SLC25A17: variants seen among roughly 807,000 people sequenced by gnomAD.
SLC25A17 encodes solute carrier family 25 member 17.
In SLC25A17, 26 loss-of-function variants were observed where a neutral mutation model predicts 38.5. The ratio of observed to expected loss-of-function variants is 0.68; its 90% CI spans 0.50 to 0.94. The LOEUF (loss-of-function observed/expected upper bound fraction) is 0.94. SLC25A17 is among the 40% of genes least tolerant of loss of function. The pLI, the probability that SLC25A17 is intolerant of heterozygous loss-of-function variation, is 0.00. For synonymous variants in SLC25A17, 139 were observed against 136.2 expected (o/e 1.02, Z -0.14); for missense variants, 333 against 372.7 (o/e 0.89, Z 0.88).
chr22:40,812,283 A>C (rs2057590296), intron 1 of SLC25A17, among the ~76,000 whole-genome samples: 1 of 152,156 alleles, frequency 6.6e-6, no homozygotes, highest in African/African-American at 2.4e-5. Flanking sequence ...TCTGGGCTAT[A>C]TCTCTCCTGT....
intron 5 of SLC25A17, among the ~76,000 whole-genome samples, chr22:40,778,025 AAAGAT>A (rs2057262161): frequency 6.6e-6 from 1 of 152,174 alleles, no homozygotes; most frequent in South Asian, 2.1e-4. Context: ...CAGCACAAGA[AAAGAT>A]AAGATCGTTT....
intron 1 of SLC25A17, among the ~76,000 whole-genome samples, chr22:40,802,883 ATTTAT>A (rs1400513640): frequency 1.3e-5 from 2 of 152,206 alleles, no homozygotes; most frequent in Non-Finnish European, 2.9e-5. Context: ...AAATTTATTT[ATTTAT>A]AAGTGCCATG....
intron 1 of SLC25A17, among the ~76,000 whole-genome samples, chr22:40,800,477 T>C (rs1052257504): frequency 6.6e-6 from 1 of 152,190 alleles, no homozygotes; most frequent in African/African-American, 2.4e-5. Flanking sequence ...TAGTTCACTG[T>C]AACCTTGAAC....
At chr22:40,797,347 A>C (rs1442533311) in intron 2 of SLC25A17, 1 of 1,294,752 alleles carries the variant, frequency 7.7e-7, no homozygotes, top group Non-Finnish European at 1.0e-6. Flanking sequence ...CTGAGGAAAA[A>C]ACAAGCAAGA....
chr22:40,785,194 G>A (rs991794147), intron 4 of SLC25A17, among the ~76,000 whole-genome samples: 1 of 152,332 alleles, frequency 6.6e-6, no homozygotes, highest in Admixed American at 6.5e-5. Flanking sequence ...GATCAGCCTG[G>A]CCAACAGAGT....
rs1363016400 is a variant in SLC25A17 at position 40,777,273 on chromosome 22, CATGAACTGG to C, written c.543_551del (p.Ile181_Phe183del). ...GCTGCCGTTTTAAACCTTCATAAAACATGAACTGGATGGCAGGATTGAAGACCAACAGCA... is the reference window on the plus strand; with the variant it reads ...GCTGCCGTTTTAAACCTTCATAAAACATGGCAGGATTGAAGACCAACAGCA... On this transcript the variant is annotated inframe_deletion, in exon 6 of 9. Coordinates refer to ENST00000435456, the MANE Select transcript of SLC25A17 (RefSeq NM_006358.4). 1 of 1,614,092 alleles carries C rather than the reference CATGAACTGG, an allele frequency of 6.2e-7. No homozygotes were observed. The highest frequency in any genetic ancestry group is 8.5e-7 in the Non-Finnish European group (1 of 1,180,036).
rs1259310966 is a variant in SLC25A17, at chr22:40,773,958, T to C, written c.755A>G (p.Tyr252Cys). Residue 252 changes from tyrosine to cysteine, a missense_variant, in exon 8 of 9, where the codon TAT becomes TGT. Coordinates refer to ENST00000435456, the MANE Select transcript of SLC25A17 (RefSeq NM_006358.4). Reference sequence around the variant, plus strand: ...TCACCTTACTCGTTGGTGAAGAAGATAGAGAATATTCCGAAGACTTCCCAA... The same window carrying C: ...TCACCTTACTCGTTGGTGAAGAAGACAGAGAATATTCCGAAGACTTCCCAA... The part of the protein sequence containing the change: ...RTLGSLRNIL[Y>C]LLHQRVRRFG... 6 of 1,611,172 alleles carry C rather than the reference T, an allele frequency of 3.7e-6. No homozygotes were observed. The highest frequency in any genetic ancestry group is 3.3e-5 in the South Asian group (3 of 91,012).
chr22:40,773,056 T>C (rs894479189), intron 8 of SLC25A17, among the ~76,000 whole-genome samples: 3 of 152,206 alleles, frequency 2.0e-5, no homozygotes, highest in African/African-American at 4.8e-5. Context: ...CTTCACTAAG[T>C]GTCAGTTTCT....
intron 7 of SLC25A17, among the ~76,000 whole-genome samples, chr22:40,775,102 C>G (rs1475418659): frequency 6.6e-6 from 1 of 152,160 alleles, no homozygotes; most frequent in Non-Finnish European, 1.5e-5. Flanking sequence ...TAAATCACAG[C>G]ACATATTCCC....
chr22:40,786,825 A>C (rs1602599680), intron 4 of SLC25A17, among the ~76,000 whole-genome samples: 1 of 152,306 alleles, frequency 6.6e-6, no homozygotes, highest in East Asian at 1.9e-4. Context: ...TTTTTGGTGG[A>C]GCAACTGGAA....
chr22:40,790,881 C>A (rs1047337993), intron 4 of SLC25A17, among the ~76,000 whole-genome samples: 5 of 152,236 alleles, frequency 3.3e-5, no homozygotes, highest in African/African-American at 9.6e-5. Context: ...TAGAAGATCC[C>A]ACTAGATTGC....
intron 8 of SLC25A17, among the ~76,000 whole-genome samples, chr22:40,772,290 A>G (rs995378842): frequency 6.6e-6 from 1 of 152,090 alleles, no homozygotes; most frequent in Admixed American, 6.6e-5. Flanking sequence ...TACTTTATAC[A>G]TATTCTTTGT....
rs549868545 is a variant in SLC25A17, at chr22:40,777,097, G to A, written c.636C>T (p.Ala212=). ...AGGTCACCGTGGTGGCAATCGCTTT[G>A]GCTACTGCACCAATGATGAACACAT... ...SLDVFIIGAV[A]KAIATTVTYP... Residue 212 remains alanine, a synonymous_variant, in exon 7 of 9, where the codon GCC becomes GCT. Coordinates refer to ENST00000435456, the MANE Select transcript of SLC25A17 (RefSeq NM_006358.4). The A allele has an allele frequency of 5.0e-6, 8 of 1,614,054 alleles. No individual in the cohort carries two copies. The African/African-American group carries it at 1.1e-4, about 22-fold the overall frequency.
At chr22:40,772,679 C>T (rs1040250251) in intron 8 of SLC25A17, among the ~76,000 whole-genome samples, 3 of 151,756 alleles carry the variant, frequency 2.0e-5, no homozygotes, top group African/African-American at 7.3e-5. Flanking sequence ...CTCTTTAGCC[C>T]AGGCTGGAGT....
At chr22:40,780,707 A>G (rs2057285860) in intron 4 of SLC25A17, among the ~76,000 whole-genome samples, 1 of 152,346 alleles carries the variant, frequency 6.6e-6, no homozygotes, top group Non-Finnish European at 1.5e-5. Flanking sequence ...ACAAGCTTCC[A>G]CAGATACCGT....
intron 5 of SLC25A17, 93 bp from the exon 6 acceptor site, chr22:40,777,466 C>T: frequency 1.5e-6 from 2 of 1,350,840 alleles, no homozygotes; most frequent in Middle Eastern, 2.4e-4. Context: ...ACCCAGAACA[C>T]AAACCATACT....
intron 4 of SLC25A17, among the ~76,000 whole-genome samples, chr22:40,780,730 T>C (rs1190338005): frequency 6.6e-6 from 1 of 152,228 alleles, no homozygotes; most frequent in South Asian, 2.1e-4. Flanking sequence ...AAAGGTATAG[T>C]GCACCCACCT....
intron 1 of SLC25A17, among the ~76,000 whole-genome samples, chr22:40,812,649 C>G (rs1022690521): frequency 1.3e-5 from 2 of 152,168 alleles, no homozygotes; most frequent in Non-Finnish European, 2.9e-5. Flanking sequence ...GGCTGAGTCA[C>G]AGCAGCACCA....
chr22:40,778,024 A>G (rs961721744), intron 5 of SLC25A17, among the ~76,000 whole-genome samples: 3 of 152,166 alleles, frequency 2.0e-5, no homozygotes, highest in African/African-American at 7.2e-5. Context: ...CCAGCACAAG[A>G]AAAGATAAGA....
Sources: allele counts gnomAD v4.1 joint callset (sites outside exome capture counted in the v4.1 genomes callset), GRCh38; gene constraint gnomAD v4.1.1; transcripts MANE v1.5; gene names NCBI Gene and HGNC (gene_info 2026-07-23, HGNC 2026-07-21).